Variants in GRIP1 observed in about 807,000 individuals in gnomAD.
GRIP1 encodes the protein glutamate receptor interacting protein 1.
In GRIP1, 45 loss-of-function variants were observed where a neutral mutation model predicts 129.9. That is an observed-to-expected ratio of 0.35 (90% confidence interval 0.27 to 0.44). GRIP1 has a LOEUF of 0.44. Ranked by LOEUF, GRIP1 falls within the 20% of genes least tolerant of loss-of-function variation. GRIP1 has a pLI of 1.00. For synonymous variants in GRIP1, 530 were observed against 520.8 expected (o/e 1.02, Z -0.24); for missense variants, 1,196 against 1,396.8 (o/e 0.86, Z 2.29).
At chr12:66,538,694 T>C (rs1380078478) in intron 4 of GRIP1, among the ~76,000 whole-genome samples, 1 of 151,678 alleles carries the variant, frequency 6.6e-6, no homozygotes, top group Admixed American at 6.6e-5. Context: ...CCTCAACATC[T>C]TGGGCTCAAG....
At chr12:66,493,064 A>C (rs2060147715) in intron 7 of GRIP1, among the ~76,000 whole-genome samples, 1 of 152,058 alleles carries the variant, frequency 6.6e-6, no homozygotes, top group Non-Finnish European at 1.5e-5. Flanking sequence ...ATACTTTCAA[A>C]TTACTGTTTA....
chr12:66,739,017 T>C (rs930668879), intron 1 of GRIP1, among the ~76,000 whole-genome samples: 5 of 152,152 alleles, frequency 3.3e-5, no homozygotes, highest in South Asian at 2.1e-4. Flanking sequence ...TATTTGTTCA[T>C]AGATTAACAT....
chr12:66,571,482 G>T (rs2062956830), intron 2 of GRIP1, among the ~76,000 whole-genome samples: 1 of 149,352 alleles, frequency 6.7e-6, no homozygotes, highest in Non-Finnish European at 1.5e-5. Flanking sequence ...TACTGCCTTT[G>T]TTTTTTTTTC....
At chr12:66,672,426 T>C (rs1447126098) in intron 1 of GRIP1, among the ~76,000 whole-genome samples, 4 of 152,186 alleles carry the variant, frequency 2.6e-5, no homozygotes, top group Non-Finnish European at 5.9e-5. Context: ...AGGTCAAAGT[T>C]TCCTTGGTTT....
At chr12:66,375,352 C>T (rs2055735746) in intron 22 of GRIP1, among the ~76,000 whole-genome samples, 1 of 152,074 alleles carries the variant, frequency 6.6e-6, no homozygotes, top group Non-Finnish European at 1.5e-5. Flanking sequence ...ATTTCCATTT[C>T]AATTGTAATC....
At chr12:66,738,322 C>T (rs1162938759) in intron 1 of GRIP1, among the ~76,000 whole-genome samples, 5 of 151,858 alleles carry the variant, frequency 3.3e-5, no homozygotes, top group African/African-American at 1.2e-4. Flanking sequence ...CGGGTTCACA[C>T]CATTCTCCTG....
chr12:66,795,065 C>A (rs573393914), intron 1 of GRIP1, among the ~76,000 whole-genome samples: 1 of 152,286 alleles, frequency 6.6e-6, no homozygotes, highest in Admixed American at 6.5e-5. Context: ...GTGAAATGTA[C>A]TGAGCAAAGT....
chr12:66,493,707 G>C (rs1334166782), intron 7 of GRIP1, among the ~76,000 whole-genome samples: 1 of 152,206 alleles, frequency 6.6e-6, no homozygotes, highest in Non-Finnish European at 1.5e-5. Flanking sequence ...ATTAAGGAAG[G>C]TGAGAGACTT....
At chr12:66,414,522 A>G (rs1156596670) in intron 15 of GRIP1, among the ~76,000 whole-genome samples, 2 of 152,182 alleles carry the variant, frequency 1.3e-5, no homozygotes, top group East Asian at 1.9e-4. Flanking sequence ...ATACTGCCCA[A>G]AGTAATTTAT....
At chr12:66,406,450 C>T (rs2057193414) in intron 15 of GRIP1, 22 bp from the exon 16 acceptor site, 1 of 1,612,396 alleles carries the variant, frequency 6.2e-7, no homozygotes, top group Non-Finnish European at 8.5e-7. Context: ...TGCAAAGTAA[C>T]ACATGACTAA....
chr12:66,445,349 T>C lies in GRIP1; in HGVS notation c.1514A>G (p.Tyr505Cys). The change falls in exon 12 of 25, where the codon TAT (tyrosine) becomes TGT (cysteine). Residue 505 changes from tyrosine to cysteine, a missense_variant. Around this residue, in one of 5 missense-constraint regions of GRIP1, gnomAD observed 508 missense variants for 587.0 expected, o/e 0.87. Coordinates refer to ENST00000359742, the MANE Select transcript of GRIP1 (RefSeq NM_001366722.1). ...ETLSSPPLIS[Y>C]IEADSPAERC... ...CTCTGCTGGGCTGTCAGCTTCGATA[T>C]AGGAAATCAGAGGTGGAGAAGAGAG... is the stretch of plus-strand genomic sequence containing the variant. 6.2e-6 allele frequency: 10 copies of C among 1,614,184 alleles called. No homozygotes were observed. Among genetic ancestry groups the C allele is most frequent in the Non-Finnish European group, 8.5e-6 (10 of 1,180,002 alleles).
At chr12:66,442,731 T>A (rs2138080532) in intron 13 of GRIP1, among the ~76,000 whole-genome samples, 1 of 152,004 alleles carries the variant, frequency 6.6e-6, no homozygotes, top group African/African-American at 2.4e-5. Flanking sequence ...AGAGATGAGG[T>A]CTCCCTGTTT....
chr12:66,505,460 A>G (rs2060502250), intron 7 of GRIP1, among the ~76,000 whole-genome samples: 1 of 152,166 alleles, frequency 6.6e-6, no homozygotes, highest in African/African-American at 2.4e-5. Flanking sequence ...GCCTGCTGTC[A>G]TCCTGACCTA....
At chr12:66,868,010 AT>A (rs932861386) in intron 1 of GRIP1, among the ~76,000 whole-genome samples, 1 of 152,168 alleles carries the variant, frequency 6.6e-6, no homozygotes. Flanking sequence ...GGGAATAGCA[AT>A]TGGGAAGTAA....
intron 1 of GRIP1, among the ~76,000 whole-genome samples, chr12:67,029,872 T>G (rs1188435666): frequency 6.6e-6 from 1 of 151,902 alleles, no homozygotes; most frequent in African/African-American, 2.4e-5. Flanking sequence ...ATTGCTTAGA[T>G]GTTTTTATCT....
chr12:66,350,091 C>G (rs1345920156), intron 24 of GRIP1, among the ~76,000 whole-genome samples: 1 of 152,082 alleles, frequency 6.6e-6, no homozygotes, highest in Non-Finnish European at 1.5e-5. Context: ...CACCTCCTCA[C>G]CCTTAAAACT....
In GRIP1 at chr12:66,465,361, G is replaced by T. The variant is rs1211917199; in HGVS notation, c.786C>A (p.Ser262Arg). ...TCGAGGTAGTTAGGGCAACCCCAAGGCTGGCACCAGGAGTTTTGGCAACTT... is the reference window on the plus strand; with the variant it reads ...TCGAGGTAGTTAGGGCAACCCCAAGTCTGGCACCAGGAGTTTTGGCAACTT... ...LVEVAKTPGA[S>R]LGVALTTSMC... is the part of the protein sequence containing the mutation. Residue 262 changes from serine (S) to arginine (R), a missense_variant, in exon 8 of 25, where the codon AGC becomes AGA. This residue lies in a region of GRIP1 where 508 missense variants were observed against 587.0 expected (regional missense o/e 0.87). Transcript: ENST00000359742. The T allele has an allele frequency of 6.2e-7, 1 of 1,613,756 alleles. No individual in the cohort carries two copies. The highest frequency in any genetic ancestry group is 1.7e-5 in the Admixed American group (1 of 60,020).
chr12:66,786,744 G>T (rs937587150), intron 1 of GRIP1, among the ~76,000 whole-genome samples: 1 of 152,166 alleles, frequency 6.6e-6, no homozygotes, highest in African/African-American at 2.4e-5. Flanking sequence ...AGGAAGGGGA[G>T]AAGCCAACAG....
intron 13 of GRIP1, among the ~76,000 whole-genome samples, chr12:66,433,761 A>T (rs2058219089): frequency 6.6e-6 from 1 of 152,202 alleles, no homozygotes; most frequent in South Asian, 2.1e-4. Context: ...TTTGGAAAGA[A>T]GTGGGGAGAG....
Sources: allele counts gnomAD v4.1 joint callset (sites outside exome capture counted in the v4.1 genomes callset), GRCh38; gene constraint gnomAD v4.1.1; regional missense constraint gnomAD v4.1.1; transcripts MANE v1.5; gene names NCBI Gene and HGNC (gene_info 2026-07-23, HGNC 2026-07-21).